The following LEKR1 variants were observed in gnomAD, a reference collection of about 807,000 sequenced individuals.
LEKR1 encodes the protein protein LEKR1.
A neutral mutation model predicts 72.4 loss-of-function variants in LEKR1; 59 were observed. That is an observed-to-expected ratio of 0.82 (90% CI 0.66 to 1.01). The LOEUF (loss-of-function observed/expected upper bound fraction) is 1.01, where lower values mean the gene tolerates loss of function less well. Ranked by LOEUF, LEKR1 falls within the 50% of genes least tolerant of loss-of-function variation. The probability of loss-of-function intolerance (pLI) is 0.00; values close to 1 mark genes in which losing one functional copy is unlikely to be tolerated. For missense variants in LEKR1, 728 were observed against 759.2 expected (o/e 0.96, Z 0.48); for synonymous variants, 257 against 263.2 (o/e 0.98, Z 0.23).
intron 3 of LEKR1, among the ~76,000 whole-genome samples, chr3:156,903,645 C>T (rs1722246968): frequency 1.3e-5 from 2 of 152,186 alleles, no homozygotes; most frequent in African/African-American, 4.8e-5. Context: ...AAGGACATTA[C>T]TACCCTTAAG....
intron 3 of LEKR1, among the ~76,000 whole-genome samples, chr3:156,881,357 C>T (rs1394079098): frequency 6.6e-6 from 1 of 151,988 alleles, no homozygotes; most frequent in Non-Finnish European, 1.5e-5. Flanking sequence ...ACACCAATAA[C>T]AGACAAACAG....
intron 3 of LEKR1, among the ~76,000 whole-genome samples, chr3:156,918,037 A>G (rs1402166138): frequency 6.6e-6 from 1 of 152,190 alleles, no homozygotes; most frequent in Non-Finnish European, 1.5e-5. Flanking sequence ...GATGGTACCC[A>G]GAAAACTACG....
At chr3:156,939,943 C>A (rs1726052452) in intron 5 of LEKR1, among the ~76,000 whole-genome samples, 1 of 152,034 alleles carries the variant, frequency 6.6e-6, no homozygotes, top group Non-Finnish European at 1.5e-5. Flanking sequence ...TAGAATTGAT[C>A]AATTATTTTA....
chr3:156,889,847 T>C (rs1465412026), intron 3 of LEKR1, among the ~76,000 whole-genome samples: 2 of 152,218 alleles, frequency 1.3e-5, no homozygotes, highest in Admixed American at 6.5e-5. Flanking sequence ...TTTAAAATGA[T>C]ATGCAAAGAA....
At chr3:157,013,868 T>A (rs1298115410) in intron 10 of LEKR1, among the ~76,000 whole-genome samples, 1 of 152,066 alleles carries the variant, frequency 6.6e-6, no homozygotes, top group East Asian at 1.9e-4. Context: ...AAAATAAACT[T>A]CATAGCTTAA....
intron 7 of LEKR1, among the ~76,000 whole-genome samples, chr3:156,985,057 T>C (rs1730557124): frequency 6.6e-6 from 1 of 152,038 alleles, no homozygotes; most frequent in Non-Finnish European, 1.5e-5. Flanking sequence ...TACAGATCCA[T>C]TTTTCACATG....
intron 2 of LEKR1, among the ~76,000 whole-genome samples, chr3:156,837,409 G>T (rs528647517): frequency 6.6e-6 from 1 of 152,346 alleles, no homozygotes; most frequent in East Asian, 1.9e-4. Context: ...GGATGGTGGA[G>T]ACTGAGAGTG....
chr3:157,019,639 G>T (rs1049519418), intron 10 of LEKR1, among the ~76,000 whole-genome samples: 11 of 152,016 alleles, frequency 7.2e-5, no homozygotes, highest in Admixed American at 7.2e-4. Context: ...AGTGGTTCAT[G>T]CTTTATATGT....
Position 156,877,284 on chromosome 3 carries a change from CT to C in LEKR1, c.263+24312del, listed in dbSNP as rs1203458719. Among the ~76,000 whole-genome samples the C allele has an allele frequency of 3.8e-3, 561 of 147,030 alleles. 3 individuals carry two copies. Among genetic ancestry groups the C allele is most frequent in the African/African-American group, 0.012 (493 of 40,102 alleles). On this transcript the variant is annotated intron_variant, in intron 3 of 12. Transcript: ENST00000356539. ...TCAGGGATATTGGTCTATAGTTTTTCTTTTTTTTTTATGTCATTCCTGGTTT... is the reference window on the plus strand; with the variant it reads ...TCAGGGATATTGGTCTATAGTTTTTCTTTTTTTTTATGTCATTCCTGGTTT...
At chr3:157,014,948 A>G (rs1159534663) in intron 10 of LEKR1, among the ~76,000 whole-genome samples, 2 of 152,232 alleles carry the variant, frequency 1.3e-5, no homozygotes, top group Admixed American at 6.5e-5. Context: ...CATTTGGCCA[A>G]GATGGAGTAA....
chr3:156,909,710 T>C (rs546408924), intron 3 of LEKR1, among the ~76,000 whole-genome samples: 278 of 152,078 alleles, frequency 1.8e-3, no homozygotes, highest in Non-Finnish European at 2.9e-3. Flanking sequence ...TATGTTATTG[T>C]GATCCTTTCC....
chr3:156,905,614 G>T (rs1341160741), intron 3 of LEKR1, among the ~76,000 whole-genome samples: 4 of 152,212 alleles, frequency 2.6e-5, no homozygotes, highest in South Asian at 2.1e-4. Flanking sequence ...CTGCCTGAAG[G>T]GTTTCACAAA....
rs571116047 is a variant in LEKR1 at position 156,923,764 on chromosome 3, A to G, written c.383+3070A>G. Among the ~76,000 whole-genome samples, 179 of 150,522 alleles carry G rather than the reference A, an allele frequency of 1.2e-3. 1 individual carries two copies. Among genetic ancestry groups the G allele is most frequent in the Non-Finnish European group, 2.1e-3 (144 of 67,736 alleles). On this transcript the variant is annotated intron_variant, in intron 4 of 12. Transcript: ENST00000356539. Reference sequence around the variant, plus strand: ...TTTTTTTGAGACGGAGGCTCGCTCTATCACCCAGGCTTGAGTGCAGTGGCA... The same window carrying G: ...TTTTTTTGAGACGGAGGCTCGCTCTGTCACCCAGGCTTGAGTGCAGTGGCA...
At chr3:156,947,128 T>C (rs1726756053) in intron 6 of LEKR1, among the ~76,000 whole-genome samples, 1 of 151,236 alleles carries the variant, frequency 6.6e-6, no homozygotes, top group Non-Finnish European at 1.5e-5. Flanking sequence ...TTATTTTTGC[T>C]CTGATCTTTA....
At chr3:156,996,862 C>T (rs1033770826) in intron 9 of LEKR1, among the ~76,000 whole-genome samples, 3 of 152,002 alleles carry the variant, frequency 2.0e-5, no homozygotes, top group African/African-American at 7.2e-5. Flanking sequence ...GTCAGTGGTT[C>T]GCGAACAGCC....
chr3:157,032,811 G>GT (rs34846016), intron 12 of LEKR1, among the ~76,000 whole-genome samples: 93,581 of 151,298 alleles, frequency 0.62, 29,600 homozygotes, highest in South Asian at 0.8. Flanking sequence ...AGATACTGTG[G>GT]TTTTTTTTTC....
intron 5 of LEKR1, among the ~76,000 whole-genome samples, chr3:156,931,629 C>T (rs1725233875): frequency 6.6e-6 from 1 of 152,056 alleles, no homozygotes; most frequent in African/African-American, 2.4e-5. Context: ...AGAATGGGTT[C>T]TCTAAAAGAA....
intron 2 of LEKR1, among the ~76,000 whole-genome samples, chr3:156,847,728 T>C (rs2108535469): frequency 6.6e-6 from 1 of 152,354 alleles, no homozygotes; most frequent in African/African-American, 2.4e-5. Flanking sequence ...CATTGCTTAC[T>C]TAATGATTCA....
chr3:156,989,245 A>G (rs575987658), intron 7 of LEKR1, among the ~76,000 whole-genome samples: 81 of 152,346 alleles, frequency 5.3e-4, no homozygotes, highest in African/African-American at 1.8e-3. Context: ...ATTCCAATCT[A>G]TGGATGAACC....
Sources: gnomAD v4.1 joint callset for allele counts (sites outside exome capture counted in the v4.1 genomes callset) on GRCh38, gnomAD v4.1.1 for gene constraint, MANE v1.5 for transcripts, NCBI Gene and HGNC (gene_info 2026-07-23, HGNC 2026-07-21) for gene names.